Variants in AP2A2 observed in about 807,000 individuals in gnomAD.
AP2A2 encodes AP-2 complex subunit alpha-2.
AP2A2 carries 32 observed loss-of-function variants against 104.2 expected under a neutral mutation model. That is an observed-to-expected ratio of 0.31 (90% CI 0.23 to 0.41). The LOEUF is 0.41. Among genes scored for constraint, AP2A2 ranks in the 10% least tolerant of loss-of-function variants. The pLI is 1.00. For missense variants in AP2A2, 912 were observed against 1,261.0 expected, an observed-to-expected ratio of 0.72 and a Z score of 4.19; for synonymous variants, 539 against 533.3, an observed-to-expected ratio of 1.01 and a Z score of -0.15.
At position 962,723 on chromosome 11, in the gene AP2A2, A is replaced by T. The variant is rs144485327; in HGVS notation, c.136+3218A>T. 3.2e-4 allele frequency among the ~76,000 whole-genome samples: 49 copies of T among 151,726 alleles called. 1 individual carries two copies. In the East Asian group the frequency reaches 8.1e-3, roughly 25 times the overall value. On this transcript the variant is annotated intron_variant, in intron 2 of 21. Transcript: ENST00000448903. ...ACTCCAGCCTGGGAGACACAGCAAG[A>T]CTCTGTCTCAAAAAAAAAAAAATTT... is the stretch of plus-strand genomic sequence containing the variant.
chr11:993,830 A>G lies in AP2A2; in HGVS notation c.1627A>G (p.Thr543Ala). 6.2e-7 allele frequency: 1 copy of G among 1,608,800 alleles called. No individual in the cohort carries two copies. The highest frequency in any genetic ancestry group is 8.5e-7 in the Non-Finnish European group (1 of 1,179,622). ...SVPTRALLLSTYIKFVNLFPE... is the reference protein window; with the variant it reads ...SVPTRALLLSAYIKFVNLFPE... ...CCCCACCCGCGCGCTGCTCCTGTCC[A>G]CCTACATCAAGTTCGTGAACCTCTT... The change falls in exon 13 of 22, where the codon ACC (threonine) becomes GCC (alanine). Residue 543 changes from threonine to alanine, a missense_variant. Physicochemically the swap from Thr to Ala is moderately conservative, Grantham distance 58 (BLOSUM62 0). Transcript: ENST00000448903. This position sits in a 1 kb window ranked among gnomAD's most constrained non-coding sequence, Gnocchi z 8.2.
chr11:991,118 G>A (rs1855639669), intron 10 of AP2A2, among the ~76,000 whole-genome samples: 1 of 147,672 alleles, frequency 6.8e-6, no homozygotes, highest in Admixed American at 6.7e-5. Flanking sequence ...GCTCCCCTCT[G>A]TCCTTTCAGC....
At chr11:977,530 C>T (rs1374683665) in intron 5 of AP2A2, among the ~76,000 whole-genome samples, 1 of 148,794 alleles carries the variant, frequency 6.7e-6, no homozygotes, top group Non-Finnish European at 1.5e-5. Flanking sequence ...TGCCTGGTGT[C>T]CCGGCTGCCT....
chr11:944,337 C>T (rs988874879), intron 1 of AP2A2, among the ~76,000 whole-genome samples: 21 of 152,094 alleles, frequency 1.4e-4, no homozygotes, highest in African/African-American at 4.8e-4. Flanking sequence ...GTCTGCAGAG[C>T]ATTTATTCTT....
At chr11:963,620 A>G (rs1336839063) in intron 2 of AP2A2, among the ~76,000 whole-genome samples, 1 of 152,018 alleles carries the variant, frequency 6.6e-6, no homozygotes, top group Non-Finnish European at 1.5e-5. Flanking sequence ...AAAACAGTTG[A>G]TCAATTGATT....
At chr11:999,735 T>A (rs1369098737) in intron 14 of AP2A2, among the ~76,000 whole-genome samples, 1 of 152,192 alleles carries the variant, frequency 6.6e-6, no homozygotes, top group African/African-American at 2.4e-5. Flanking sequence ...AGTTATTTGC[T>A]TTTTCATCTT....
At chr11:983,782 G>A (rs928079280) in intron 6 of AP2A2, among the ~76,000 whole-genome samples, 1 of 152,148 alleles carries the variant, frequency 6.6e-6, no homozygotes, top group Non-Finnish European at 1.5e-5. Context: ...CTCTGAGCCC[G>A]GCCTTAGGTG....
intron 4 of AP2A2, among the ~76,000 whole-genome samples, chr11:976,682 C>T (rs1273686136): frequency 4.9e-5 from 7 of 141,430 alleles, no homozygotes; most frequent in Non-Finnish European, 9.2e-5. Context: ...CAGGGTGGGG[C>T]GTGGTGGGGT....
rs1187616195 is a variant in AP2A2, at chr11:1,003,619, G to A, written c.2124-103G>A. 4 of 648,640 alleles carry A rather than the reference G, an allele frequency of 6.2e-6. No homozygotes were observed. In the African/African-American group the frequency reaches 7.6e-5, roughly 12 times the overall value. The allele number at this position is 648,640 out of a possible 1,614,324, so 40.2% of individuals were successfully genotyped here. On this transcript the variant is annotated intron_variant, in intron 15 of 21. Coordinates refer to ENST00000448903, the MANE Select transcript of AP2A2 (RefSeq NM_012305.4). ...TTTTTCTTCCCTTGTGTGCCATAGA[G>A]GTTTTTCTGGCCTCCTCGTGCTGTG...
At chr11:987,062 T>C (rs1855486013) in intron 9 of AP2A2, 109 bp downstream of exon 9, 2 of 1,273,120 alleles carry the variant, frequency 1.6e-6, no homozygotes, top group Non-Finnish European at 2.2e-6. Context: ...GAGATGGAGG[T>C]GGTGCTGGTG....
intron 1 of AP2A2, among the ~76,000 whole-genome samples, chr11:933,813 C>G (rs117270943): frequency 6.6e-6 from 1 of 152,080 alleles, no homozygotes; most frequent in South Asian, 2.1e-4. Context: ...CAGCTTTGCA[C>G]GCTTTTTCCT....
At chr11:965,390 C>G (rs1854579526) in intron 2 of AP2A2, among the ~76,000 whole-genome samples, 1 of 152,186 alleles carries the variant, frequency 6.6e-6, no homozygotes, top group Non-Finnish European at 1.5e-5. Context: ...CAGTGAACTT[C>G]AGAGAGTTGA....
intron 1 of AP2A2, among the ~76,000 whole-genome samples, 191 bp from the exon 2 acceptor site, chr11:959,246 C>T (rs771582463): frequency 3.3e-5 from 5 of 152,214 alleles, no homozygotes; most frequent in Non-Finnish European, 7.3e-5. Flanking sequence ...TAGGCTCAGT[C>T]CCGGCCCCGG....
In AP2A2 at chr11:1,008,130, G is replaced by C; in HGVS notation, c.2415G>C (p.Gln805His). ...CGGAGGCGCCAGTCCTCAACATTCA[G>C]TTCAGGTAAGAGCCGCCTGTGCGCC... ...DFTEAPVLNIQFRYGGTFQNV... is the reference protein window; with the variant it reads ...DFTEAPVLNIHFRYGGTFQNV... Residue 805 changes from glutamine to histidine, a missense_variant, in exon 18 of 22, where the codon CAG (glutamine) becomes CAC (histidine). Physicochemically the swap from Gln to His is conservative, Grantham distance 24 (BLOSUM62 0). Coordinates refer to ENST00000448903, the MANE Select transcript of AP2A2 (RefSeq NM_012305.4). The C allele has an allele frequency of 6.2e-7, 1 of 1,605,530 alleles. No homozygotes were observed. The highest frequency in any genetic ancestry group is 8.5e-7 in the Non-Finnish European group (1 of 1,176,326).
Position 959,520 on chromosome 11 carries a change from C to T in AP2A2, c.136+15C>T. 2 of 1,502,942 alleles carry T rather than the reference C, an allele frequency of 1.3e-6. No homozygotes were observed. The highest frequency in any genetic ancestry group is 1.8e-6 in the Non-Finnish European group (2 of 1,090,886). 93.1% of individuals were successfully genotyped at this position (1,502,942 alleles called of 1,614,324 possible). On this transcript the variant is annotated intron_variant, in intron 2 of 21. Coordinates refer to ENST00000448903, the MANE Select transcript of AP2A2 (RefSeq NM_012305.4). ...AAAATTTAAAGGTAAGTATGTTTAA[C>T]CTTTTCCATGAAATGTCCTGTTGTA... is the stretch of plus-strand genomic sequence containing the variant.
chr11:946,291 A>T (rs1348736593), intron 1 of AP2A2, among the ~76,000 whole-genome samples: 1 of 152,220 alleles, frequency 6.6e-6, no homozygotes, highest in Non-Finnish European at 1.5e-5. Flanking sequence ...GCAGCCTAGC[A>T]GCTACTGGAG....
Position 968,183 on chromosome 11 carries a change from G to A in AP2A2, c.137-1986G>A, listed in dbSNP as rs1440510988. ...ACTGTGGCTTTCTCCTCGCGCTGGC[G>A]ACTTCCGCTGCCCCTCACGGTGCTT... On this transcript the variant is annotated intron_variant, in intron 2 of 21. Coordinates refer to ENST00000448903, the MANE Select transcript of AP2A2 (RefSeq NM_012305.4). The surrounding 1 kb of genome is among the most constrained non-coding windows in gnomAD (Gnocchi z 4.2). 1.3e-5 allele frequency among the ~76,000 whole-genome samples: 2 copies of A among 152,172 alleles called. No homozygotes were observed. The highest frequency in any genetic ancestry group is 2.9e-5 in the Non-Finnish European group (2 of 68,026).
chr11:997,519 G>A (rs1855893058), intron 14 of AP2A2, among the ~76,000 whole-genome samples: 1 of 152,222 alleles, frequency 6.6e-6, no homozygotes, highest in South Asian at 2.1e-4. Flanking sequence ...CTGGGGCCTT[G>A]CATCTGGCCT....
chr11:959,606 GA>G, intron 2 of AP2A2, 101 bp downstream of exon 2: 1 of 776,424 alleles, frequency 1.3e-6, no homozygotes, highest in South Asian at 1.7e-5. Context: ...ACACTAAAGT[GA>G]AGTTCTCAGT....
Sources: gnomAD v4.1 joint callset for allele counts (sites outside exome capture counted in the v4.1 genomes callset) on GRCh38, gnomAD v4.1.1 for gene constraint, Gnocchi (gnomAD v3.1) non-coding constraint, MANE v1.5 for transcripts, NCBI Gene and HGNC (gene_info 2026-07-23, HGNC 2026-07-21) for gene names.